The following OGFOD1 variants were observed in gnomAD, a reference collection of about 807,000 sequenced individuals.
The protein encoded by OGFOD1 is 2-oxoglutarate and iron dependent oxygenase domain containing 1.
In OGFOD1, 54 loss-of-function variants were observed where a neutral mutation model predicts 67.7. The ratio of observed to expected loss-of-function variants is 0.80; its 90% CI spans 0.64 to 1.00. OGFOD1 has a LOEUF of 1.00. OGFOD1 is among the 50% of genes least tolerant of loss of function. The probability of loss-of-function intolerance (pLI) is 0.00; values close to 1 mark genes in which losing one functional copy is unlikely to be tolerated. For missense variants in OGFOD1, 606 were observed against 646.7 expected (o/e 0.94, Z 0.68); for synonymous variants, 221 against 227.0 (o/e 0.97, Z 0.24).
At chr16:56,454,478 C>T (rs1337835159) in intron 2 of OGFOD1, among the ~76,000 whole-genome samples, 1 of 149,146 alleles carries the variant, frequency 6.7e-6, no homozygotes, top group Non-Finnish European at 1.5e-5. Context: ...TTTAATTGGG[C>T]AGAAAAGACT....
chr16:56,457,634 C>G (rs1962566704), intron 2 of OGFOD1, among the ~76,000 whole-genome samples: 2 of 151,270 alleles, frequency 1.3e-5, no homozygotes, highest in African/African-American at 4.9e-5. Context: ...GAAATCTTCT[C>G]ATTTCTTTAA....
At position 56,478,556 on chromosome 16, in the gene OGFOD1, C is replaced by T. The variant is rs888683374; in HGVS notation, c.*2351C>T. On this transcript the variant is annotated 3_prime_UTR_variant, in exon 13 of 13. Coordinates refer to ENST00000566157, the MANE Select transcript of OGFOD1 (RefSeq NM_018233.4). ...GGAAAGGGTGTCAGTGGCATAACTT[C>T]AGGAAGACCCAGGGAAAAGTGCTTG... 2 of 152,266 alleles carry T rather than the reference C, an allele frequency of 1.3e-5. No homozygotes were observed. Among genetic ancestry groups the T allele is most frequent in the Admixed American group, 6.5e-5 (1 of 15,292 alleles). The allele number at this position is 152,266 out of a possible 1,614,324, so 9.4% of individuals were successfully genotyped here.
chr16:56,472,962 C>T (rs552552597), intron 10 of OGFOD1, among the ~76,000 whole-genome samples: 3 of 152,182 alleles, frequency 2.0e-5, no homozygotes, highest in South Asian at 2.1e-4. Flanking sequence ...GACAGAGTCT[C>T]GCTCTGTTGC....
chr16:56,457,345 A>G (rs4419055), intron 2 of OGFOD1, among the ~76,000 whole-genome samples: 89,184 of 152,104 alleles, frequency 0.59, 26,751 homozygotes, highest in African/African-American at 0.71. Context: ...TTCCATTTAT[A>G]TGTAATGTCC....
At chr16:56,453,208 G>A in intron 1 of OGFOD1, 55 bp from the exon 2 acceptor site, 1 of 1,552,614 alleles carries the variant, frequency 6.4e-7, no homozygotes, top group Admixed American at 1.9e-5. Flanking sequence ...TATGTTACTT[G>A]GATGTCAAAA....
At chr16:56,451,883 G>A (rs7184422) in intron 1 of OGFOD1, 117 bp downstream of exon 1, 99,419 of 1,221,960 alleles carry the variant, frequency 0.081, 4,491 homozygotes, top group African/African-American at 0.15. Context: ...GGCTCTTAGA[G>A]GACTTTGGCC....
Position 56,457,095 on chromosome 16 carries a change from TTAAAAATATG to T in OGFOD1, c.301-1441_301-1432del, listed in dbSNP as rs1381590046. On this transcript the variant is annotated intron_variant, in intron 2 of 12. Coordinates refer to ENST00000566157, the MANE Select transcript of OGFOD1 (RefSeq NM_018233.4). Reference sequence around the variant, plus strand: ...TAAAATGTAAATAGACCCAAGATAATTAAAAATATGTAAAAATATGTTCACATAAAAACTT... The same window carrying T: ...TAAAATGTAAATAGACCCAAGATAATTAAAAATATGTTCACATAAAAACTT... Among the ~76,000 whole-genome samples the T allele has an allele frequency of 3.9e-5, 6 of 152,294 alleles. No individual in the cohort carries two copies. The East Asian group carries it at 1.2e-3, about 29-fold the overall frequency.
chr16:56,454,493 C>CT lies in OGFOD1; in HGVS notation c.300+1100dup, dbSNP rs77913439. ...TTTAATTGGGCAGAAAAGACTATCT[C>CT]TTTTTTTTTTTTTTTAAGTTTGGTT... is the stretch of plus-strand genomic sequence containing the variant. On this transcript the variant is annotated intron_variant, in intron 2 of 12. Coordinates refer to ENST00000566157, the MANE Select transcript of OGFOD1 (RefSeq NM_018233.4). Among the ~76,000 whole-genome samples the CT allele has an allele frequency of 4.2e-3, 580 of 136,582 alleles. 6 individuals are homozygous for CT. The highest frequency in any genetic ancestry group is 0.012 in the African/African-American group (463 of 37,144). The allele number at this position is 136,582 out of a possible 152,430, so 89.6% of individuals were successfully genotyped here. A position where few individuals can be genotyped will look rare whatever the true frequency, so the allele number is the denominator to read the frequency against.
chr16:56,472,534 A>G (rs1204065894), intron 10 of OGFOD1, among the ~76,000 whole-genome samples: 1 of 152,256 alleles, frequency 6.6e-6, no homozygotes, highest in African/African-American at 2.4e-5. Flanking sequence ...AGTGCTAAAC[A>G]TTGGCATAGC....
rs1332803997 is a variant in OGFOD1 at position 56,470,480 on chromosome 16, T to C, written c.981-7T>C. 6.3e-7 allele frequency: 1 copy of C among 1,593,042 alleles called. No individual in the cohort carries two copies. Among genetic ancestry groups the C allele is most frequent in the South Asian group, 1.1e-5 (1 of 87,608 alleles). On this transcript the variant is annotated splice_region_variant and splice_polypyrimidine_tract_variant and intron_variant, in intron 9 of 12. Transcript: ENST00000566157. ...TTGATGAACAACTTGACATTGCTGT[T>C]TTTCAGGTTTTATGAGAAAGCTGAG... is the stretch of plus-strand genomic sequence containing the variant.
intron 8 of OGFOD1, among the ~76,000 whole-genome samples, 153 bp from the exon 9 acceptor site, chr16:56,469,850 C>CAAAAAA (rs751278368): frequency 5.6e-5 from 3 of 53,322 alleles, no homozygotes; most frequent in Admixed American, 2.4e-4. Flanking sequence ...AACTCCATCT[C>CAAAAAA]AAAAAAAAAA....
intron 2 of OGFOD1, among the ~76,000 whole-genome samples, chr16:56,455,891 A>T (rs1297976597): frequency 6.6e-6 from 1 of 152,178 alleles, no homozygotes; most frequent in South Asian, 2.1e-4. Flanking sequence ...TCTTTTCATA[A>T]GAAAAAAACA....
chr16:56,452,045 T>A, intron 1 of OGFOD1: 1 of 373,242 alleles, frequency 2.7e-6, no homozygotes, highest in Non-Finnish European at 4.9e-6. Flanking sequence ...CAAAGATTAC[T>A]GAGTTAGAAT....
intron 10 of OGFOD1, among the ~76,000 whole-genome samples, chr16:56,473,813 CT>C (rs1254737181): frequency 3.0e-4 from 43 of 144,752 alleles, no homozygotes; most frequent in East Asian, 6.0e-4. Flanking sequence ...TATTAACCTT[CT>C]TTTTTTTTTT....
At chr16:56,452,476 C>G (rs1962374246) in intron 1 of OGFOD1, among the ~76,000 whole-genome samples, 1 of 152,222 alleles carries the variant, frequency 6.6e-6, no homozygotes, top group Non-Finnish European at 1.5e-5. Context: ...GTTCAGAGCT[C>G]TGCTTCATGC....
chr16:56,472,785 T>A (rs1158405638), intron 10 of OGFOD1, among the ~76,000 whole-genome samples: 1 of 152,190 alleles, frequency 6.6e-6, no homozygotes, highest in East Asian at 1.9e-4. Flanking sequence ...GATTATACCA[T>A]ATATATTGTT....
chr16:56,475,564 AG>A lies in OGFOD1; in HGVS notation c.1467+1del. On this transcript the variant is annotated frameshift_variant and splice_region_variant, in exon 12 of 13. Transcript: ENST00000566157. LOFTEE classifies it high-confidence loss of function. ...TSYIAKGEDE[E>X]LLTVNPESNS... ...TACATTGCCAAAGGTGAAGATGAAG[AG>A]GTAAGTTTCTTCTGATAGCAAACTA... The A allele has an allele frequency of 1.2e-6, 2 of 1,613,504 alleles. No homozygotes were observed.
Position 56,466,935 on chromosome 16 carries a change from T to A in OGFOD1, c.625T>A (p.Phe209Ile). 6.2e-7 allele frequency: 1 copy of A among 1,613,626 alleles called. No individual in the cohort carries two copies. ...TATCCCTTCGTGGAACAAACTGGTT[T>A]TCTTTGAAGTATCTCCTGTGTCCTT... Reference protein sequence around the residue: ...SLIPSWNKLVFFEVSPVSFHQ... With the variant: ...SLIPSWNKLVIFEVSPVSFHQ... Residue 209 changes from phenylalanine (F) to isoleucine (I), a missense_variant, in exon 6 of 13, where the codon TTC becomes ATC. Coordinates refer to ENST00000566157, the MANE Select transcript of OGFOD1 (RefSeq NM_018233.4).
At chr16:56,457,973 C>G (rs915875921) in intron 2 of OGFOD1, among the ~76,000 whole-genome samples, 1 of 152,316 alleles carries the variant, frequency 6.6e-6, no homozygotes, top group South Asian at 2.1e-4. Context: ...CCACCGTGCC[C>G]GGCCCCACTA....
Sources: allele counts gnomAD v4.1 joint callset (sites outside exome capture counted in the v4.1 genomes callset), GRCh38; gene constraint gnomAD v4.1.1; transcripts MANE v1.5; gene names NCBI Gene and HGNC (gene_info 2026-07-23, HGNC 2026-07-21).